The following CFAP20DC variants were observed in gnomAD, a reference collection of about 807,000 sequenced individuals.
The protein encoded by CFAP20DC is CFAP20 domain containing.
A neutral mutation model predicts 101.7 loss-of-function variants in CFAP20DC; 84 were observed. That is an observed-to-expected ratio of 0.83 (90% CI 0.69 to 0.99). CFAP20DC has a LOEUF of 0.99. CFAP20DC is among the 50% of genes least tolerant of loss of function. The pLI is 0.00. For missense variants in CFAP20DC, 1,007 were observed against 970.3 expected, an observed-to-expected ratio of 1.04 and a Z score of -0.50; for synonymous variants, 359 against 351.2, an observed-to-expected ratio of 1.02 and a Z score of -0.25.
At chr3:58,950,044 C>T (rs1010940655) in intron 4 of CFAP20DC, among the ~76,000 whole-genome samples, 2 of 152,142 alleles carry the variant, frequency 1.3e-5, no homozygotes, top group African/African-American at 2.4e-5. Context: ...CCCAAAATCT[C>T]CTTAAGCTGA....
intron 4 of CFAP20DC, among the ~76,000 whole-genome samples, chr3:58,938,257 T>C (rs1222039911): frequency 2.0e-5 from 3 of 152,190 alleles, no homozygotes; most frequent in Admixed American, 2.0e-4. Flanking sequence ...TAAGCACATA[T>C]CTTCCAACCA....
chr3:59,040,582 G>A (rs1408779533), intron 3 of CFAP20DC, among the ~76,000 whole-genome samples: 4 of 151,840 alleles, frequency 2.6e-5, no homozygotes, highest in South Asian at 4.1e-4. Context: ...AGACCAACAC[G>A]TGGATTAAAG....
chr3:59,041,426 C>T (rs1699374182), intron 3 of CFAP20DC, among the ~76,000 whole-genome samples: 1 of 150,424 alleles, frequency 6.6e-6, no homozygotes, highest in South Asian at 2.1e-4. Flanking sequence ...GATGATCTGA[C>T]AAAAAAAAAG....
intron 12 of CFAP20DC, among the ~76,000 whole-genome samples, chr3:58,849,902 C>T (rs1178115012): frequency 1.3e-5 from 2 of 151,982 alleles, no homozygotes; most frequent in Non-Finnish European, 2.9e-5. Flanking sequence ...TATTGTAGGG[C>T]AGTTTTGTTT....
chr3:58,783,551 A>G (rs192907641), intron 15 of CFAP20DC, among the ~76,000 whole-genome samples: 1 of 152,176 alleles, frequency 6.6e-6, no homozygotes. Flanking sequence ...TTTGCAAACT[A>G]CTCATTTGAC....
At chr3:58,791,852 C>G (rs2072884616) in intron 15 of CFAP20DC, among the ~76,000 whole-genome samples, 1 of 152,126 alleles carries the variant, frequency 6.6e-6, no homozygotes, top group Non-Finnish European at 1.5e-5. Flanking sequence ...AGGTTTCACA[C>G]CTACAATGTA....
chr3:58,891,069 C>T (rs2082196687), intron 6 of CFAP20DC, among the ~76,000 whole-genome samples: 1 of 149,470 alleles, frequency 6.7e-6, no homozygotes, highest in South Asian at 2.2e-4. Flanking sequence ...GAGGCCAAGG[C>T]AGGCGGCTGG....
intron 4 of CFAP20DC, among the ~76,000 whole-genome samples, chr3:58,988,112 G>C (rs936411492): frequency 6.6e-6 from 1 of 152,008 alleles, no homozygotes; most frequent in South Asian, 2.1e-4. Context: ...GACCAACAGA[G>C]GTTATGGTCA....
intron 4 of CFAP20DC, among the ~76,000 whole-genome samples, chr3:58,984,712 GA>G (rs1285384483): frequency 1.3e-5 from 2 of 152,160 alleles, no homozygotes; most frequent in Non-Finnish European, 2.9e-5. Flanking sequence ...GGAACAAAAA[GA>G]GTGAAAAGAA....
chr3:58,967,701 T>C (rs1475786499), intron 4 of CFAP20DC, among the ~76,000 whole-genome samples: 1 of 152,212 alleles, frequency 6.6e-6, no homozygotes, highest in Admixed American at 6.5e-5. Context: ...AAATAATTTA[T>C]TTTTAATTTT....
chr3:58,888,566 C>T (rs1373787165), intron 6 of CFAP20DC, among the ~76,000 whole-genome samples: 2 of 152,150 alleles, frequency 1.3e-5, no homozygotes, highest in Admixed American at 6.5e-5. Flanking sequence ...CTCCTTTCCC[C>T]AACCCCTGAC....
intron 4 of CFAP20DC, among the ~76,000 whole-genome samples, chr3:58,939,759 ATTTTTTTTTTTTTT>A (rs60955896): frequency 1.1e-5 from 1 of 91,924 alleles, no homozygotes; most frequent in African/African-American, 4.6e-5. Context: ...TGCCCGGCCC[ATTTTTTTTTTTTTT>A]TTTTTTTTTT....
At chr3:58,896,939 T>C (rs191326409) in intron 6 of CFAP20DC, among the ~76,000 whole-genome samples, 88 of 152,286 alleles carry the variant, frequency 5.8e-4, no homozygotes, top group African/African-American at 2.0e-3. Context: ...TAAATATCTT[T>C]GTGAATTTTT....
At chr3:58,976,209 A>G (rs1445397444) in intron 4 of CFAP20DC, among the ~76,000 whole-genome samples, 2 of 152,222 alleles carry the variant, frequency 1.3e-5, no homozygotes, top group African/African-American at 4.8e-5. Context: ...CAGAGATTAA[A>G]GTTAATCTTC....
Position 58,944,371 on chromosome 3 carries a change from T to C in CFAP20DC, c.279-6609A>G, listed in dbSNP as rs114278157. Among the ~76,000 whole-genome samples the C allele has an allele frequency of 7.1e-3, 1,076 of 152,350 alleles. 11 individuals carry two copies. The highest frequency in any genetic ancestry group is 0.024 in the African/African-American group (1,000 of 41,580). ...TTGTTTTTAACACTTTTATTCATTTTCTATTTTACAGATGAGAAAATAAGA... is the reference window on the plus strand; with the variant it reads ...TTGTTTTTAACACTTTTATTCATTTCCTATTTTACAGATGAGAAAATAAGA... On this transcript the variant is annotated intron_variant, in intron 4 of 16. Transcript: ENST00000482387.
intron 4 of CFAP20DC, among the ~76,000 whole-genome samples, chr3:59,034,663 C>T (rs1386613090): frequency 3.9e-5 from 6 of 152,170 alleles, no homozygotes; most frequent in East Asian, 1.9e-4. Flanking sequence ...AATATATATA[C>T]ACCCAATACA....
At chr3:58,850,178 A>G (rs978335557) in intron 12 of CFAP20DC, among the ~76,000 whole-genome samples, 1 of 152,210 alleles carries the variant, frequency 6.6e-6, no homozygotes, top group African/African-American at 2.4e-5. Flanking sequence ...AATGAAAATG[A>G]GAAATGTAGT....
rs187930221 is a variant in CFAP20DC at position 59,039,274 on chromosome 3, T to C, written c.278+283A>G. On this transcript the variant is annotated intron_variant, in intron 4 of 16. Coordinates refer to ENST00000482387, the MANE Select transcript of CFAP20DC (RefSeq NM_001394063.1). ...CAAACCAAAATCTCAAACTTTTGGA[T>C]TATATATTTCTTCAAGTTATAGGTC... Among the ~76,000 whole-genome samples, 57 of 152,242 alleles carry C rather than the reference T, an allele frequency of 3.7e-4. No homozygotes were observed. In the East Asian group the frequency reaches 8.7e-3, roughly 23 times the overall value.
At chr3:58,790,917 A>G (rs1193273788) in intron 15 of CFAP20DC, among the ~76,000 whole-genome samples, 1 of 152,190 alleles carries the variant, frequency 6.6e-6, no homozygotes, top group African/African-American at 2.4e-5. Flanking sequence ...GTGATATTAA[A>G]AAATTCAAGA....
Sources: allele counts gnomAD v4.1 joint callset (sites outside exome capture counted in the v4.1 genomes callset), GRCh38; gene constraint gnomAD v4.1.1; transcripts MANE v1.5; gene names NCBI Gene and HGNC (gene_info 2026-07-23, HGNC 2026-07-21).